The following CAMK1D variants were observed in gnomAD, a reference collection of about 807,000 sequenced individuals.
The protein encoded by CAMK1D is calcium/calmodulin-dependent protein kinase type 1D.
Under a neutral mutation model 47.7 loss-of-function variants are expected in CAMK1D, and 9 were observed. That is an observed-to-expected ratio of 0.19 (90% CI 0.11 to 0.33). The LOEUF (loss-of-function observed/expected upper bound fraction) is 0.33, where lower values mean the gene tolerates loss of function less well. Ranked by LOEUF, CAMK1D falls within the 10% of genes least tolerant of loss-of-function variation. CAMK1D has a pLI of 1.00. For synonymous variants in CAMK1D, 184 were observed against 184.9 expected (o/e 0.99, Z 0.04); for missense variants, 291 against 488.7 (o/e 0.60, Z 3.81).
chr10:12,469,798 G>T (rs930499736), intron 1 of CAMK1D, among the ~76,000 whole-genome samples: 15 of 152,178 alleles, frequency 9.9e-5, no homozygotes, highest in African/African-American at 3.4e-4. Context: ...AAATGCATGT[G>T]TTAGATTCAT....
chr10:12,626,564 T>C (rs559492175), intron 2 of CAMK1D, among the ~76,000 whole-genome samples: 1 of 151,558 alleles, frequency 6.6e-6, no homozygotes, highest in African/African-American at 2.4e-5. Flanking sequence ...ATCTCTGCCT[T>C]TCAGGTTCAA....
chr10:12,766,430 G>A (rs544012272), intron 4 of CAMK1D, among the ~76,000 whole-genome samples: 5 of 139,694 alleles, frequency 3.6e-5, no homozygotes, highest in South Asian at 2.2e-4. Flanking sequence ...TGGCGTACAC[G>A]TGGCTGACAA....
chr10:12,661,393 A>G (rs1226887060), intron 2 of CAMK1D, among the ~76,000 whole-genome samples: 5 of 152,246 alleles, frequency 3.3e-5, no homozygotes, highest in South Asian at 4.1e-4. Context: ...AGCAATGACA[A>G]TTATGAGTTC....
At chr10:12,510,649 C>G (rs1835013904) in intron 1 of CAMK1D, among the ~76,000 whole-genome samples, 1 of 152,178 alleles carries the variant, frequency 6.6e-6, no homozygotes, top group African/African-American at 2.4e-5. Context: ...CCTCCGGGAC[C>G]CCCCTACGAA....
rs879459012 is a variant in CAMK1D at position 12,639,849 on chromosome 10, TTTTG to T, written c.225-26874_225-26871del. On this transcript the variant is annotated intron_variant, in intron 2 of 10. Coordinates refer to ENST00000619168, the MANE Select transcript of CAMK1D (RefSeq NM_153498.4). ...GACTAAGTGGATATATATATATATT[TTTTG>T]TTTGTTTGTTTGGGAATTCTTTTTG... Among the ~76,000 whole-genome samples, 893 of 152,216 alleles carry T rather than the reference TTTTG, an allele frequency of 5.9e-3. 6 individuals are homozygous for T. The highest frequency in any genetic ancestry group is 0.01 in the African/African-American group (431 of 41,520).
At chr10:12,649,674 A>C (rs560901716) in intron 2 of CAMK1D, among the ~76,000 whole-genome samples, 141 of 151,566 alleles carry the variant, frequency 9.3e-4, no homozygotes, top group Non-Finnish European at 1.4e-3. Context: ...CTTTAGAAAC[A>C]AAAAAAAATG....
At chr10:12,513,295 G>C (rs1326840791) in intron 1 of CAMK1D, among the ~76,000 whole-genome samples, 1 of 152,170 alleles carries the variant, frequency 6.6e-6, no homozygotes, top group African/African-American at 2.4e-5. Context: ...AGGCTTTTGA[G>C]TTCTTTGGAC....
intron 3 of CAMK1D, among the ~76,000 whole-genome samples, chr10:12,743,295 C>T (rs191490472): frequency 7.0e-6 from 1 of 143,044 alleles, no homozygotes; most frequent in Non-Finnish European, 1.5e-5. Flanking sequence ...TGCAGTGAGC[C>T]AAGATTGTGC....
At chr10:12,530,030 G>A (rs1488494130) in intron 1 of CAMK1D, among the ~76,000 whole-genome samples, 1 of 152,180 alleles carries the variant, frequency 6.6e-6, no homozygotes, top group Non-Finnish European at 1.5e-5. Context: ...AACCCTGTAC[G>A]AAGCTTGATG....
intron 3 of CAMK1D, among the ~76,000 whole-genome samples, chr10:12,707,963 C>T (rs1833791223): frequency 6.6e-6 from 1 of 152,204 alleles, no homozygotes; most frequent in Non-Finnish European, 1.5e-5. Context: ...GATCCCCCCT[C>T]TGCCCGACCT....
intron 1 of CAMK1D, among the ~76,000 whole-genome samples, chr10:12,439,588 C>T (rs992740968): frequency 6.6e-6 from 1 of 152,288 alleles, no homozygotes; most frequent in South Asian, 2.1e-4. Context: ...GGTTGTAGAG[C>T]CACACTGCTG....
chr10:12,525,329 CTCTT>C (rs1178860112), intron 1 of CAMK1D, among the ~76,000 whole-genome samples: 3 of 152,046 alleles, frequency 2.0e-5, no homozygotes, highest in Non-Finnish European at 2.9e-5. Context: ...CTGTACCAAT[CTCTT>C]TCTCTTTCTT....
intron 1 of CAMK1D, among the ~76,000 whole-genome samples, chr10:12,424,819 A>C (rs1179148571): frequency 2.0e-5 from 3 of 152,102 alleles, no homozygotes; most frequent in African/African-American, 4.8e-5. Context: ...ACACAAAAAA[A>C]CCAAAAACCC....
rs535362715 is a variant in CAMK1D, at chr10:12,678,812, T to A, written c.299+12002T>A. Among the ~76,000 whole-genome samples, 125 of 152,284 alleles carry A rather than the reference T, an allele frequency of 8.2e-4. 2 individuals are homozygous for A. Among genetic ancestry groups the A allele is most frequent in the South Asian group, 4.8e-3 (23 of 4,826 alleles). ...TTTTTTTTGAGACAGAGTCTCACACTGTCACCCAGGCTGCATCTTGGCTTG... is the reference window on the plus strand; with the variant it reads ...TTTTTTTTGAGACAGAGTCTCACACAGTCACCCAGGCTGCATCTTGGCTTG... On this transcript the variant is annotated intron_variant, in intron 3 of 10. Coordinates refer to ENST00000619168, the MANE Select transcript of CAMK1D (RefSeq NM_153498.4).
At chr10:12,560,676 C>G (rs1372846769) in intron 2 of CAMK1D, among the ~76,000 whole-genome samples, 1 of 151,798 alleles carries the variant, frequency 6.6e-6, no homozygotes, top group African/African-American at 2.4e-5. Context: ...CCTTGAATTT[C>G]TCAGGCACCA....
intron 4 of CAMK1D, among the ~76,000 whole-genome samples, chr10:12,761,811 A>G (rs1836521455): frequency 6.6e-6 from 1 of 152,194 alleles, no homozygotes; most frequent in Non-Finnish European, 1.5e-5. Context: ...GTTTGAACCC[A>G]GGAGGCGAAG....
intron 1 of CAMK1D, among the ~76,000 whole-genome samples, chr10:12,486,645 C>T (rs775373804): frequency 3.3e-5 from 5 of 152,208 alleles, no homozygotes; most frequent in Non-Finnish European, 7.3e-5. Context: ...AAAATGCCAG[C>T]TTCTCTGTTA....
chr10:12,611,588 C>CTTTTTTTTTTTTTT lies in CAMK1D; in HGVS notation c.225-55140_225-55127dup, dbSNP rs71386105. On this transcript the variant is annotated intron_variant, in intron 2 of 10. Coordinates refer to ENST00000619168, the MANE Select transcript of CAMK1D (RefSeq NM_153498.4). Reference sequence around the variant, plus strand: ...CAGTTCCCTGAATGTTTCAGAATGCCTTTTTTTTTTTTTTTTTTTTTGAGA... The same window carrying CTTTTTTTTTTTTTT: ...CAGTTCCCTGAATGTTTCAGAATGCCTTTTTTTTTTTTTTTTTTTTTTTTTTTTTTTTTTTGAGA... 4.5e-4 allele frequency among the ~76,000 whole-genome samples: 27 copies of CTTTTTTTTTTTTTT among 59,950 alleles called. 7 individuals are homozygous for CTTTTTTTTTTTTTT. Among genetic ancestry groups the CTTTTTTTTTTTTTT allele is most frequent in the East Asian group, 1.5e-3 (2 of 1,340 alleles). The allele number at this position is 59,950 out of a possible 152,430, so 39.3% of individuals were successfully genotyped here. A position where few individuals can be genotyped will look rare whatever the true frequency, so the allele number is the denominator to read the frequency against.
At chr10:12,558,128 G>C (rs188580256) in intron 2 of CAMK1D, among the ~76,000 whole-genome samples, 61 of 152,358 alleles carry the variant, frequency 4.0e-4, no homozygotes, top group African/African-American at 1.4e-3. Flanking sequence ...AGAACAGTTA[G>C]TTGTGATCCC....
Sources: allele counts gnomAD v4.1 joint callset (sites outside exome capture counted in the v4.1 genomes callset), GRCh38; gene constraint gnomAD v4.1.1; transcripts MANE v1.5; gene names NCBI Gene and HGNC (gene_info 2026-07-23, HGNC 2026-07-21).